The following LRCH1 variants were observed in gnomAD, a reference collection of about 807,000 sequenced individuals.
LRCH1 encodes leucine-rich repeat and calponin homology domain-containing protein 1.
Under a neutral mutation model 94.9 loss-of-function variants are expected in LRCH1, and 23 were observed. The observed-to-expected ratio is 0.24, with a 90% CI of 0.17 to 0.34. LRCH1 has a LOEUF of 0.34. Among genes scored for constraint, LRCH1 ranks in the 10% least tolerant of loss-of-function variants. The pLI, the probability that LRCH1 is intolerant of heterozygous loss-of-function variation, is 1.00. For missense variants in LRCH1, 790 were observed against 945.9 expected (o/e 0.84, Z 2.16); for synonymous variants, 364 against 354.9 (o/e 1.03, Z -0.29).
At chr13:46,688,528 C>T (rs1019788606) in intron 6 of LRCH1, among the ~76,000 whole-genome samples, 2 of 152,132 alleles carry the variant, frequency 1.3e-5, no homozygotes, top group Admixed American at 1.3e-4. Context: ...AAGCCTTGAG[C>T]TTCCAAAAAA....
intron 11 of LRCH1, among the ~76,000 whole-genome samples, chr13:46,701,444 C>A (rs748120039): frequency 1.3e-5 from 2 of 151,990 alleles, no homozygotes; most frequent in Non-Finnish European, 2.9e-5. Context: ...TTCATTCACC[C>A]CTCATGAAGT....
At chr13:46,732,125 G>T (rs1873140494) in intron 18 of LRCH1, among the ~76,000 whole-genome samples, 1 of 152,224 alleles carries the variant, frequency 6.6e-6, no homozygotes, top group Non-Finnish European at 1.5e-5. Flanking sequence ...GTATCTGCCA[G>T]CAGCAGTGGA....
chr13:46,693,898 G>C (rs115304022), intron 8 of LRCH1, among the ~76,000 whole-genome samples: 1 of 150,058 alleles, frequency 6.7e-6, no homozygotes, highest in Non-Finnish European at 1.5e-5. Context: ...TAAATAGTTG[G>C]AATTTGCTCT....
chr13:46,623,222 C>G (rs1030649117), intron 1 of LRCH1, among the ~76,000 whole-genome samples: 31 of 151,798 alleles, frequency 2.0e-4, no homozygotes, highest in African/African-American at 6.8e-4. Flanking sequence ...ATCTTGGGAG[C>G]AATTTTTTAT....
At chr13:46,734,257 A>G (rs1367095810) in intron 19 of LRCH1, among the ~76,000 whole-genome samples, 1 of 152,128 alleles carries the variant, frequency 6.6e-6, no homozygotes. Flanking sequence ...TTCAGACTTG[A>G]AAAAAAATTT....
At chr13:46,558,295 A>T (rs537849633) in intron 1 of LRCH1, among the ~76,000 whole-genome samples, 2 of 152,254 alleles carry the variant, frequency 1.3e-5, no homozygotes, top group East Asian at 3.9e-4. Flanking sequence ...AATTCAGAGG[A>T]AAAGGTCATT....
At chr13:46,593,740 C>T (rs1010104665) in intron 1 of LRCH1, among the ~76,000 whole-genome samples, 5 of 152,108 alleles carry the variant, frequency 3.3e-5, no homozygotes, top group Non-Finnish European at 5.9e-5. Flanking sequence ...CTGGTGCCAC[C>T]ACTACATCCA....
intron 1 of LRCH1, among the ~76,000 whole-genome samples, chr13:46,637,652 G>A (rs368746580): frequency 6.6e-6 from 1 of 151,852 alleles, no homozygotes; most frequent in East Asian, 1.9e-4. Context: ...TGTCACCTTG[G>A]TTGCGAATTC....
At chr13:46,721,364 A>G (rs17068708) in intron 16 of LRCH1, among the ~76,000 whole-genome samples, 2,570 of 152,338 alleles carry the variant, frequency 0.017, 89 homozygotes, top group African/African-American at 0.059. Context: ...TGTATTATCC[A>G]ACTCTATCTG....
intron 4 of LRCH1, among the ~76,000 whole-genome samples, chr13:46,685,194 A>G (rs1484682457): frequency 6.6e-6 from 1 of 152,112 alleles, no homozygotes; most frequent in African/African-American, 2.4e-5. Context: ...TCTCTGCTCT[A>G]TGGAATATAT....
intron 1 of LRCH1, among the ~76,000 whole-genome samples, chr13:46,595,468 C>G (rs114189793): frequency 3.3e-5 from 5 of 152,274 alleles, no homozygotes; most frequent in African/African-American, 1.2e-4. Flanking sequence ...TTTATATGTA[C>G]GTCAGCATTT....
chr13:46,710,580 A>G (rs1872011457), intron 13 of LRCH1, among the ~76,000 whole-genome samples: 1 of 152,348 alleles, frequency 6.6e-6, no homozygotes, highest in East Asian at 1.9e-4. Flanking sequence ...AATTGCTTAT[A>G]GAAAGAATCA....
At chr13:46,585,405 G>A (rs955807944) in intron 1 of LRCH1, among the ~76,000 whole-genome samples, 43 of 152,054 alleles carry the variant, frequency 2.8e-4, no homozygotes, top group African/African-American at 9.9e-4. Context: ...GTGAAACCAC[G>A]TCTCTACTAA....
At chr13:46,598,149 C>T (rs967907751) in intron 1 of LRCH1, among the ~76,000 whole-genome samples, 3 of 152,118 alleles carry the variant, frequency 2.0e-5, no homozygotes, top group Non-Finnish European at 2.9e-5. Context: ...GTCAAGGTGG[C>T]GGGCACCCAA....
At chr13:46,608,290 C>G (rs556899040) in intron 1 of LRCH1, among the ~76,000 whole-genome samples, 1 of 152,254 alleles carries the variant, frequency 6.6e-6, no homozygotes, top group African/African-American at 2.4e-5. Flanking sequence ...AGATGGTACT[C>G]TCATCATTAG....
At chr13:46,598,671 C>T (rs1459185193) in intron 1 of LRCH1, among the ~76,000 whole-genome samples, 1 of 151,564 alleles carries the variant, frequency 6.6e-6, no homozygotes, top group Non-Finnish European at 1.5e-5. Context: ...TTTGGTTAGA[C>T]AATGAATTAG....
chr13:46,636,422 A>G (rs2051090655), intron 1 of LRCH1, among the ~76,000 whole-genome samples: 2 of 152,172 alleles, frequency 1.3e-5, no homozygotes, highest in Admixed American at 6.5e-5. Context: ...GTACATTTAC[A>G]TTATTAAGCC....
At chr13:46,590,157 C>A (rs999620496) in intron 1 of LRCH1, among the ~76,000 whole-genome samples, 4 of 151,944 alleles carry the variant, frequency 2.6e-5, no homozygotes, top group Non-Finnish European at 5.9e-5. Context: ...TTCTTAAAAC[C>A]CTGGCCTCTG....
intron 1 of LRCH1, among the ~76,000 whole-genome samples, chr13:46,558,119 C>T (rs1298963736): frequency 6.6e-6 from 1 of 152,108 alleles, no homozygotes; most frequent in African/African-American, 2.4e-5. Context: ...TGAAGTGCAG[C>T]ATTAAAAATA....
Sources: allele counts gnomAD v4.1 joint callset (sites outside exome capture counted in the v4.1 genomes callset), GRCh38; gene constraint gnomAD v4.1.1; transcripts MANE v1.5; gene names NCBI Gene and HGNC (gene_info 2026-07-23, HGNC 2026-07-21).